The following SLC35A2 variants were observed in gnomAD, a reference collection of about 807,000 sequenced individuals.
The protein encoded by SLC35A2 is solute carrier family 35 member A2, also known as UDP-galactose translocator.
In SLC35A2, 1 loss-of-function variant was observed where a neutral mutation model predicts 17.3. The observed-to-expected ratio is 0.06, with a 90% CI of 0.02 to 0.27. The LOEUF (loss-of-function observed/expected upper bound fraction) is 0.27, where lower values mean the gene tolerates loss of function less well. SLC35A2 is among the 10% of genes least tolerant of loss of function. SLC35A2 has a pLI of 1.00. For missense variants in SLC35A2, 191 were observed against 339.3 expected (o/e 0.56, Z 3.43); for synonymous variants, 161 against 161.3 (o/e 1.00, Z 0.01).
intron 3 of SLC35A2, 144 bp from the exon 4 acceptor site, chrX:48,905,626 C>T: frequency 2.0e-6 from 1 of 503,359 alleles, no homozygotes; most frequent in Non-Finnish European, 3.1e-6. Context: ...AAGGAGCCAG[C>T]CACTGGCCAT....
intron 4 of SLC35A2, 161 bp from the exon 5 acceptor site, chrX:48,903,626 C>T (rs782044867): frequency 1.6e-5 from 10 of 639,778 alleles, no homozygotes; most frequent in African/African-American, 2.3e-5. Flanking sequence ...ATAAATACAA[C>T]ATCTTTATTT....
chrX:48,907,196 T>G (rs960742001), intron 2 of SLC35A2, among the ~76,000 whole-genome samples: 3 of 103,652 alleles, frequency 2.9e-5, no homozygotes, highest in East Asian at 6.0e-4. Context: ...AAGAAAGAAA[T>G]AACCATCATT....
chrX:48,906,701 G>C (rs183524624), intron 2 of SLC35A2, among the ~76,000 whole-genome samples, 158 bp from the exon 3 acceptor site: 5 of 112,350 alleles, frequency 4.5e-5, no homozygotes, highest in Non-Finnish European at 9.4e-5. Context: ...TTTCCCTAGA[G>C]TACAACCATG....
chrX:48,904,399 A>G (rs2063469350), intron 4 of SLC35A2: 1 of 1,084,029 alleles, frequency 9.2e-7, no homozygotes, highest in Non-Finnish European at 1.2e-6. Context: ...AAACCTCCAG[A>G]AGAGGGCACA....
chrX:48,910,450 G>T lies in SLC35A2; in HGVS notation c.92-454C>A, dbSNP rs782118816. On this transcript the variant is annotated intron_variant, in intron 1 of 4. Transcript: ENST00000247138. ...TATCACTGTCATCTCCAAAAGAACT[G>T]CGAGGATTCCCATTTATGGATTAGC... 3 of 442,032 alleles carry T rather than the reference G, an allele frequency of 6.8e-6. No individual in the cohort carries two copies. The Admixed American group carries it at 1.5e-4, about 22-fold the overall frequency. 36.4% of individuals were successfully genotyped at this position (442,032 alleles called of 1,213,427 possible). A position where few individuals can be genotyped will look rare whatever the true frequency, so the allele number is the denominator to read the frequency against.
intron 4 of SLC35A2, 55 bp downstream of exon 4, chrX:48,904,691 T>TC: frequency 8.3e-7 from 1 of 1,208,221 alleles, no homozygotes; most frequent in South Asian, 1.8e-5. Flanking sequence ...TCCACCCCAG[T>TC]CCCCCTCCCT....
intron 4 of SLC35A2, chrX:48,904,303 G>C: frequency 1.0e-6 from 1 of 1,002,976 alleles, no homozygotes; most frequent in Non-Finnish European, 1.3e-6. Flanking sequence ...GGTAGGCATC[G>C]GTCATTCCTG....
intron 1 of SLC35A2, among the ~76,000 whole-genome samples, chrX:48,910,733 G>A (rs1379991360): frequency 3.6e-5 from 4 of 110,776 alleles, no homozygotes; most frequent in Admixed American, 2.9e-4. Context: ...TCTCGAACCA[G>A]AATAGTCTAC....
At chrX:48,907,385 C>G (rs2063498797) in intron 2 of SLC35A2, among the ~76,000 whole-genome samples, 1 of 107,128 alleles carries the variant, frequency 9.3e-6, no homozygotes, top group Admixed American at 1.0e-4. Context: ...GTAGCTTGGA[C>G]TACAGGCGCG....
At chrX:48,910,144 A>G (rs906217807) in intron 1 of SLC35A2, 148 bp from the exon 2 acceptor site, 2 of 875,059 alleles carry the variant, frequency 2.3e-6, no homozygotes, top group Non-Finnish European at 3.2e-6. Context: ...CTCACCCAAT[A>G]AGGGTCTGAC....
chrX:48,909,802 C>G lies in SLC35A2; in HGVS notation c.274+12G>C. The G allele has an allele frequency of 1.3e-5, 15 of 1,198,928 alleles. No individual in the cohort carries two copies. The highest frequency in any genetic ancestry group is 1.7e-5 in the Non-Finnish European group (15 of 886,580). ...CCACCGACCCCAGTGCAGCCCCATC[C>G]CTGGTTCGTACCCCTCTTCTGTGCG... On this transcript the variant is annotated intron_variant, in intron 2 of 4. Transcript: ENST00000247138.
In SLC35A2 at chrX:48,904,794, TGCG is replaced by T; in HGVS notation, c.1112_1114del (p.Pro371del). 8.3e-7 allele frequency: 1 copy of T among 1,211,158 alleles called. No individual in the cohort carries two copies. The highest frequency in any genetic ancestry group is 2.2e-5 in the Admixed American group (1 of 46,028). On this transcript the variant is annotated inframe_deletion, in exon 4 of 5. Transcript: ENST00000247138. The stretch of plus-strand genomic sequence containing the variant: ...GAGGTCTCCACGGTGGGAAGACAGC[TGCG>T]GTGGTGGTGGCTGCCCGGGAGGCTG...
intron 4 of SLC35A2, chrX:48,903,996 C>T: frequency 5.3e-6 from 4 of 760,009 alleles, no homozygotes; most frequent in Non-Finnish European, 6.2e-6. Context: ...CAATGAGATT[C>T]AGCCACTTCA....
At chrX:48,907,243 G>A (rs1407240641) in intron 2 of SLC35A2, among the ~76,000 whole-genome samples, 1 of 109,173 alleles carries the variant, frequency 9.2e-6, no homozygotes, top group African/African-American at 3.3e-5. Context: ...CTAGGAGCTG[G>A]GGTGGAGGGC....
chrX:48,911,263 A>T (rs2063531288), intron 1 of SLC35A2, among the ~76,000 whole-genome samples: 2 of 111,164 alleles, frequency 1.8e-5, no homozygotes, highest in African/African-American at 3.3e-5. Context: ...TCCACACGGA[A>T]GGACTCCACA....
rs782518795 is a variant in SLC35A2 at position 48,905,375 on chromosome X, G to A, written c.534C>T (p.Gly178=). 2.6e-5 allele frequency: 31 copies of A among 1,194,327 alleles called. No homozygotes were observed. In the African/African-American group the frequency reaches 3.8e-4, roughly 15 times the overall value. The change falls in exon 4 of 5, where the codon GGC becomes GGT. Residue 178 remains glycine, a synonymous_variant. Transcript: ENST00000247138. ...CTTGCTGTGCCTGGACAATGGCGACGCCAGTGAAGAGGAGCAGCAGGGAGG... is the reference window on the plus strand; with the variant it reads ...CTTGCTGTGCCTGGACAATGGCGACACCAGTGAAGAGGAGCAGCAGGGAGG... The part of the protein sequence containing the change: ...QWASLLLLFT[G]VAIVQAQQAG...
At chrX:48,905,828 G>A (rs782063372) in intron 3 of SLC35A2, 1 of 288,093 alleles carries the variant, frequency 3.5e-6, no homozygotes, top group African/African-American at 2.7e-5. Flanking sequence ...TTGTGATGAG[G>A]GACTTGATAC....
chrX:48,904,479 T>G, intron 4 of SLC35A2: 1 of 1,099,207 alleles, frequency 9.1e-7, no homozygotes, highest in Non-Finnish European at 1.2e-6. Flanking sequence ...TCCAAAGAGG[T>G]TAGAGGGAGC....
At chrX:48,910,595 G>A (rs1488934506) in intron 1 of SLC35A2, among the ~76,000 whole-genome samples, 1 of 111,077 alleles carries the variant, frequency 9.0e-6, no homozygotes, top group East Asian at 2.8e-4. Flanking sequence ...CCCTAAGAAC[G>A]GTCTTTCTCC....
Sources: gnomAD v4.1 joint callset for allele counts (sites outside exome capture counted in the v4.1 genomes callset) on GRCh38, gnomAD v4.1.1 for gene constraint, MANE v1.5 for transcripts, NCBI Gene and HGNC (gene_info 2026-07-23, HGNC 2026-07-21) for gene names.